The following PDGFB variants were observed in gnomAD, a reference collection of about 807,000 sequenced individuals.
PDGFB encodes platelet derived growth factor subunit B, also known as platelet-derived growth factor subunit B.
A neutral mutation model predicts 29.0 loss-of-function variants in PDGFB; 6 were observed. The observed-to-expected ratio is 0.21, with a 90% CI of 0.11 to 0.41. The LOEUF is 0.41. Among genes scored for constraint, PDGFB ranks in the 10% least tolerant of loss-of-function variants. The pLI, the probability that PDGFB is intolerant of heterozygous loss-of-function variation, is 1.00. For synonymous variants in PDGFB, 144 were observed against 140.8 expected (o/e 1.02, Z -0.16); for missense variants, 299 against 341.8 (o/e 0.87, Z 0.99).
At chr22:39,241,449 A>G (rs539147442) in intron 1 of PDGFB, among the ~76,000 whole-genome samples, 3 of 152,334 alleles carry the variant, frequency 2.0e-5, no homozygotes, top group East Asian at 3.9e-4. Context: ...TTAGCAGCAA[A>G]GTGCTTCATA....
In PDGFB at chr22:39,243,929, C is replaced by A. The variant is rs201522786; in HGVS notation, c.35G>T (p.Cys12Phe). The A allele has an allele frequency of 3.0e-4, 477 of 1,607,580 alleles. No homozygotes were observed. The East Asian group carries it at 7.6e-3, about 25-fold the overall frequency. The change falls in exon 1 of 7, where the codon TGC (cysteine) becomes TTC (phenylalanine). Residue 12 changes from cysteine (C) to phenylalanine (F), a missense_variant. By Grantham distance (205) the Cys-to-Phe change is radical (BLOSUM62 -2). Transcript: ENST00000331163. The surrounding 1 kb of genome is among the most constrained non-coding windows in gnomAD (Gnocchi z 6.4). ...NRCWALFLSLCCYLRLVSAEG... is the reference protein window; with the variant it reads ...NRCWALFLSLFCYLRLVSAEG... ...GGCGCTGACCAGACGCAGGTAGCAGCAGAGAGACAGGAAGAGCGCCCAGCA... is the reference window on the plus strand; with the variant it reads ...GGCGCTGACCAGACGCAGGTAGCAGAAGAGAGACAGGAAGAGCGCCCAGCA...
rs1451095590 is a variant in PDGFB, at chr22:39,238,929, C to T, written c.64-3055G>A. Among the ~76,000 whole-genome samples the T allele has an allele frequency of 3.3e-5, 5 of 152,240 alleles. No homozygotes were observed. The East Asian group carries it at 9.6e-4, about 29-fold the overall frequency. On this transcript the variant is annotated intron_variant, in intron 1 of 6. Coordinates refer to ENST00000331163, the MANE Select transcript of PDGFB (RefSeq NM_002608.4). Reference sequence around the variant, plus strand: ...GCTCACCACCCTTCAGGGCACAGGACGGCCTTCCCAAACATCAGGAGTGCA... The same window carrying T: ...GCTCACCACCCTTCAGGGCACAGGATGGCCTTCCCAAACATCAGGAGTGCA...
rs140204092 is a variant in PDGFB, at chr22:39,239,523, C to T, written c.64-3649G>A. Among the ~76,000 whole-genome samples, 306 of 152,270 alleles carry T rather than the reference C, an allele frequency of 2.0e-3. 1 individual carries two copies. Among genetic ancestry groups the T allele is most frequent in the African/African-American group, 6.8e-3 (281 of 41,542 alleles). ...CTCTTCTTGGTATGGGAAGGTGAGC[C>T]GCCCGGAGCCTGGTTTTCCTGGGCA... is the stretch of plus-strand genomic sequence containing the variant. On this transcript the variant is annotated intron_variant, in intron 1 of 6. Transcript: ENST00000331163.
At chr22:39,232,435 G>A (rs1428572068) in intron 3 of PDGFB, among the ~76,000 whole-genome samples, 1 of 152,232 alleles carries the variant, frequency 6.6e-6, no homozygotes, top group Non-Finnish European at 1.5e-5. Context: ...GGCTCTGAGA[G>A]CTGAATATCC....
At chr22:39,241,204 C>G in intron 1 of PDGFB, 1 of 477,272 alleles carries the variant, frequency 2.1e-6, no homozygotes, top group South Asian at 2.4e-5. Context: ...GAGATGGCAC[C>G]TCAGAGGCCT....
rs1319608066 is a variant in PDGFB, at chr22:39,243,246, CTCTCCG to C, written c.63+649_63+654del. On this transcript the variant is annotated intron_variant, in intron 1 of 6. Coordinates refer to ENST00000331163, the MANE Select transcript of PDGFB (RefSeq NM_002608.4). This position sits in a 1 kb window ranked among gnomAD's most constrained non-coding sequence, Gnocchi z 6.4. ...TCTCTCCCTCTCTCTCTCCGTCTCTCTCTCCGTCTCTCTCTCTCTCTCTCTCTTTCT... is the reference window on the plus strand; with the variant it reads ...TCTCTCCCTCTCTCTCTCCGTCTCTCTCTCTCTCTCTCTCTCTCTCTTTCT... Among the ~76,000 whole-genome samples, 5 of 121,540 alleles carry C rather than the reference CTCTCCG, an allele frequency of 4.1e-5. No individual in the cohort carries two copies. Among genetic ancestry groups the C allele is most frequent in the African/African-American group, 1.5e-4 (5 of 33,228 alleles). 79.7% of individuals were successfully genotyped at this position (121,540 alleles called of 152,430 possible).
At chr22:39,228,528 G>A (rs1319006306) in intron 5 of PDGFB, among the ~76,000 whole-genome samples, 1 of 151,998 alleles carries the variant, frequency 6.6e-6, no homozygotes, top group Non-Finnish European at 1.5e-5. Context: ...AGGAGTTCAA[G>A]GCTGCAGTGA....
rs983409505 is a variant in PDGFB, at chr22:39,243,476, C to T, written c.63+425G>A. On this transcript the variant is annotated intron_variant, in intron 1 of 6. Coordinates refer to ENST00000331163, the MANE Select transcript of PDGFB (RefSeq NM_002608.4). The surrounding 1 kb of genome is among the most constrained non-coding windows in gnomAD (Gnocchi z 6.4). Reference sequence around the variant, plus strand: ...GATGGCACCGGTGCGCAAGCTTGCACCTCCTGGGCAAGCCGATGGCAGGAC... The same window carrying T: ...GATGGCACCGGTGCGCAAGCTTGCATCTCCTGGGCAAGCCGATGGCAGGAC... Among the ~76,000 whole-genome samples the T allele has an allele frequency of 4.6e-5, 7 of 152,190 alleles. No individual in the cohort carries two copies. Among genetic ancestry groups the T allele is most frequent in the Non-Finnish European group, 1.0e-4 (7 of 68,022 alleles).
chr22:39,238,971 G>A (rs902665897), intron 1 of PDGFB, among the ~76,000 whole-genome samples: 5 of 152,272 alleles, frequency 3.3e-5, no homozygotes, highest in Admixed American at 1.3e-4. Context: ...GAGAAACCCT[G>A]TAGCGGAGGA....
rs1002784962 is a variant in PDGFB at position 39,231,279 on chromosome 22, A to T, written c.456+343T>A. ...CTGAGTGTCAGATAAATGTTTGCGG[A>T]TACGGCTCTTCAAGGGACGTTTTGC... On this transcript the variant is annotated intron_variant, in intron 4 of 6. Transcript: ENST00000331163. The surrounding 1 kb of genome is among the most constrained non-coding windows in gnomAD (Gnocchi z 4.3). Among the ~76,000 whole-genome samples, 1 of 152,224 alleles carries T rather than the reference A, an allele frequency of 6.6e-6. No homozygotes were observed. Among genetic ancestry groups the T allele is most frequent in the Non-Finnish European group, 1.5e-5 (1 of 68,044 alleles).
rs370558688 is a variant in PDGFB, at chr22:39,235,828, G to A, written c.110C>T (p.Ser37Leu). The A allele has an allele frequency of 3.5e-5, 57 of 1,613,928 alleles. No homozygotes were observed. The highest frequency in any genetic ancestry group is 1.3e-4 in the Admixed American group (8 of 60,000). ...EELYEMLSDHSIRSFDDLQRL... is the reference protein window; with the variant it reads ...EELYEMLSDHLIRSFDDLQRL... The stretch of plus-strand genomic sequence containing the variant: ...TTGGAGATCATCAAAGGAGCGGATC[G>A]AGTGGTCACTCAGCATCTCATAAAG... Residue 37 changes from serine (S) to leucine (L), a missense_variant, in exon 2 of 7, where the codon TCG (serine) becomes TTG (leucine). Physicochemically the swap from Ser to Leu is moderately radical, Grantham distance 145. Coordinates refer to ENST00000331163, the MANE Select transcript of PDGFB (RefSeq NM_002608.4).
chr22:39,233,830 C>T (rs931006827), intron 2 of PDGFB, among the ~76,000 whole-genome samples: 1 of 152,174 alleles, frequency 6.6e-6, no homozygotes, highest in African/African-American at 2.4e-5. Context: ...GAACCCTCCT[C>T]GGCCTCCAGG....
At chr22:39,235,608 G>A (rs952686579) in intron 2 of PDGFB, among the ~76,000 whole-genome samples, 170 bp downstream of exon 2, 6 of 152,218 alleles carry the variant, frequency 3.9e-5, no homozygotes, top group African/African-American at 7.2e-5. Context: ...GTACCAACCC[G>A]CCTGCTGACT....
At chr22:39,234,953 G>A (rs139681631) in intron 2 of PDGFB, among the ~76,000 whole-genome samples, 11 of 152,326 alleles carry the variant, frequency 7.2e-5, no homozygotes, top group Non-Finnish European at 1.3e-4. Flanking sequence ...GACATCGGGT[G>A]GGGGCCCTGG....
Position 39,243,268 on chromosome 22 carries a change from C to T in PDGFB, c.63+633G>A, listed in dbSNP as rs62231488. 5.3e-3 allele frequency among the ~76,000 whole-genome samples: 390 copies of T among 73,176 alleles called. 2 individuals are homozygous for T. The highest frequency in any genetic ancestry group is 0.03 in the East Asian group (30 of 994). 48.0% of individuals were successfully genotyped at this position (73,176 alleles called of 152,430 possible). ...TCTCTCTCCGTCTCTCTCTCTCTCT[C>T]TCTCTTTCTCTCTCTCTCTCTCTCT... On this transcript the variant is annotated intron_variant, in intron 1 of 6. Transcript: ENST00000331163. This position sits in a 1 kb window ranked among gnomAD's most constrained non-coding sequence, Gnocchi z 6.4.
Position 39,223,666 on chromosome 22 carries a change from A to C in PDGFB, c.*1676T>G, listed in dbSNP as rs897132815. On this transcript the variant is annotated 3_prime_UTR_variant, in exon 7 of 7. Coordinates refer to ENST00000331163, the MANE Select transcript of PDGFB (RefSeq NM_002608.4). ...ATTGTCACGCACGATGCCAACAGACAGACCTCCGGCGGATTCATTTGGTTT... is the reference window on the plus strand; with the variant it reads ...ATTGTCACGCACGATGCCAACAGACCGACCTCCGGCGGATTCATTTGGTTT... 1.3e-5 allele frequency: 2 copies of C among 152,832 alleles called. No homozygotes were observed. Among genetic ancestry groups the C allele is most frequent in the African/African-American group, 2.4e-5 (1 of 41,478 alleles). The allele number at this position is 152,832 out of a possible 1,614,324, so 9.5% of individuals were successfully genotyped here.
At chr22:39,230,352 A>C in intron 4 of PDGFB, 124 bp from the exon 5 acceptor site, 1 of 959,374 alleles carries the variant, frequency 1.0e-6, no homozygotes, top group East Asian at 2.5e-5. Flanking sequence ...AAGCCCGGAG[A>C]GCAGGCTGTG....
Position 39,243,940 on chromosome 22 carries a change from G to A in PDGFB, c.24C>T (p.Phe8=). MNRCWAL[F]LSLCCYLRLV... is the part of the protein sequence containing the mutation. ...GACGCAGGTAGCAGCAGAGAGACAG[G>A]AAGAGCGCCCAGCAGCGATTCATGC... Residue 8 remains phenylalanine, a synonymous_variant, in exon 1 of 7, where the codon TTC becomes TTT. Transcript: ENST00000331163. The surrounding 1 kb of genome is among the most constrained non-coding windows in gnomAD (Gnocchi z 6.4). 2.5e-6 allele frequency: 4 copies of A among 1,598,450 alleles called. No individual in the cohort carries two copies. The highest frequency in any genetic ancestry group is 3.4e-6 in the Non-Finnish European group (4 of 1,171,786).
chr22:39,230,060 G>C, intron 5 of PDGFB, 24 bp downstream of exon 5: 1 of 1,611,910 alleles, frequency 6.2e-7, no homozygotes, highest in South Asian at 1.1e-5. Context: ...GGGGGCTGAG[G>C]GCTGAGCCTG....
Sources: allele counts gnomAD v4.1 joint callset (sites outside exome capture counted in the v4.1 genomes callset), GRCh38; gene constraint gnomAD v4.1.1; non-coding constraint Gnocchi (gnomAD v3.1); transcripts MANE v1.5; gene names NCBI Gene and HGNC (gene_info 2026-07-23, HGNC 2026-07-21).